ARID1B: variants seen among roughly 807,000 people sequenced by gnomAD.
The protein encoded by ARID1B is AT-rich interactive domain-containing protein 1B.
ARID1B carries 30 observed loss-of-function variants against 212.3 expected under a neutral mutation model. The ratio of observed to expected loss-of-function variants is 0.14; its 90% CI spans 0.11 to 0.19. The LOEUF (loss-of-function observed/expected upper bound fraction) is 0.19. Ranked by LOEUF, ARID1B falls within the 10% of genes least tolerant of loss-of-function variation. The probability of loss-of-function intolerance (pLI) is 1.00; values close to 1 mark genes in which losing one functional copy is unlikely to be tolerated. For missense variants in ARID1B, 2,891 were observed against 3,204.0 expected, an observed-to-expected ratio of 0.90 and a Z score of 2.36; for synonymous variants, 1,402 against 1,301.7, an observed-to-expected ratio of 1.08 and a Z score of -1.66.
At chr6:156,926,567 A>C (rs559998037) in intron 3 of ARID1B, among the ~76,000 whole-genome samples, 1 of 152,200 alleles carries the variant, frequency 6.6e-6, no homozygotes, top group Non-Finnish European at 1.5e-5. Flanking sequence ...TGTAAACAGA[A>C]GTAGATAATG....
At chr6:156,952,912 C>A (rs1793691987) in intron 4 of ARID1B, among the ~76,000 whole-genome samples, 1 of 152,124 alleles carries the variant, frequency 6.6e-6, no homozygotes, top group Non-Finnish European at 1.5e-5. Context: ...GCAATTCTTC[C>A]TTGTAGGGAA....
chr6:156,815,929 C>G (rs1239617237), intron 1 of ARID1B, among the ~76,000 whole-genome samples: 1 of 152,114 alleles, frequency 6.6e-6, no homozygotes. Flanking sequence ...AAAAACATTG[C>G]CCAGGCAGGT....
chr6:157,186,564 G>C (rs113232635), intron 13 of ARID1B: 16,741 of 470,132 alleles, frequency 0.036, 397 homozygotes, highest in African/African-American at 0.084. Context: ...CCCATCATTA[G>C]GGAAAGTGTC....
chr6:157,110,728 G>A, intron 6 of ARID1B, 167 bp downstream of exon 6: 1 of 697,174 alleles, frequency 1.4e-6, no homozygotes, highest in East Asian at 2.7e-5. Context: ...TGGAGAGGAG[G>A]GAGGATGCTT....
intron 1 of ARID1B, among the ~76,000 whole-genome samples, chr6:156,788,769 C>G (rs575595509): frequency 7.2e-5 from 11 of 152,250 alleles, no homozygotes; most frequent in Admixed American, 5.2e-4. Flanking sequence ...TCTAAGAGTA[C>G]CGGGGTCCTC....
chr6:156,936,271 G>A (rs1350052099), intron 4 of ARID1B: 4 of 150,616 alleles, frequency 2.7e-5, no homozygotes, highest in African/African-American at 1.0e-4. Flanking sequence ...GAACCCAGGA[G>A]GCAGAGGTTG....
intron 2 of ARID1B, among the ~76,000 whole-genome samples, chr6:156,896,865 G>A (rs969943229): frequency 3.3e-5 from 5 of 152,134 alleles, no homozygotes; most frequent in African/African-American, 9.7e-5. Context: ...ACGACAGAGC[G>A]AGACTCCACC....
intron 4 of ARID1B, among the ~76,000 whole-genome samples, chr6:157,029,266 TACTTATATAGTTATATTAGGTAG>T (rs1167220066): frequency 6.6e-6 from 1 of 152,270 alleles, no homozygotes; most frequent in Non-Finnish European, 1.5e-5. Context: ...ATATGACTTC[TACTTATATAGTTATATTAGGTAG>T]AGCATATTTT....
chr6:157,004,088 A>G (rs1481658415), intron 4 of ARID1B, among the ~76,000 whole-genome samples: 1 of 152,086 alleles, frequency 6.6e-6, no homozygotes, highest in Non-Finnish European at 1.5e-5. Flanking sequence ...TTTTTTTTGT[A>G]GAGATGAGGT....
Position 157,007,719 on chromosome 6 carries a change from C to T in ARID1B, c.2247+72143C>T, listed in dbSNP as rs550701771. 3.2e-3 allele frequency among the ~76,000 whole-genome samples: 467 copies of T among 147,292 alleles called. 2 individuals carry two copies. The highest frequency in any genetic ancestry group is 0.011 in the African/African-American group (443 of 39,950). The stretch of plus-strand genomic sequence containing the variant: ...TTTTGCAGCAATAGTTAAGGAAGCC[C>T]TAAGTTGTTTTTTTTTTTTTTTTTC... On this transcript the variant is annotated intron_variant, in intron 4 of 19. Transcript: ENST00000636930.
At chr6:156,943,574 C>G (rs1384915373) in intron 4 of ARID1B, 1 of 151,340 alleles carries the variant, frequency 6.6e-6, no homozygotes, top group African/African-American at 2.4e-5. Context: ...CATCTTTCTA[C>G]TTGGTTCGTG....
At chr6:156,970,608 G>T (rs1165665346) in intron 4 of ARID1B, among the ~76,000 whole-genome samples, 2 of 152,166 alleles carry the variant, frequency 1.3e-5, no homozygotes, top group African/African-American at 4.8e-5. Flanking sequence ...AAATTTTTAT[G>T]ATTAGTAAAC....
chr6:156,989,188 G>A (rs1364788366), intron 4 of ARID1B, among the ~76,000 whole-genome samples: 4 of 152,052 alleles, frequency 2.6e-5, no homozygotes, highest in Non-Finnish European at 4.4e-5. Flanking sequence ...TCACTCCCTG[G>A]TTGCTTTGCG....
chr6:157,003,836 G>A (rs985706635), intron 4 of ARID1B, among the ~76,000 whole-genome samples: 2 of 151,906 alleles, frequency 1.3e-5, no homozygotes. Flanking sequence ...CTATAGGTGC[G>A]CATGACTGTT....
Position 157,167,178 on chromosome 6 carries a change from C to T in ARID1B, c.3228C>T (p.Ser1076=), listed in dbSNP as rs2128291173. The change falls in exon 9 of 20, where the codon AGC becomes AGT. Residue 1076 remains serine (S), a synonymous_variant. Coordinates refer to ENST00000636930, the MANE Select transcript of ARID1B (RefSeq NM_001374828.1). ...GCATGGCGCCCGCCATGGTGAACAG[C>T]TCGGCAGGTAACCTTGGCAGCTCTG... ...PYSMAPAMVN[S]SAASVGLADM... is the part of the protein sequence containing the mutation. 6.2e-7 allele frequency: 1 copy of T among 1,606,702 alleles called. No homozygotes were observed.
Position 156,777,959 on chromosome 6 carries a change from C to G in ARID1B, c.279C>G (p.Ala93=), listed in dbSNP as rs1265929834. The change falls in exon 1 of 20, where the codon GCC becomes GCG. Residue 93 remains alanine, a synonymous_variant. Transcript: ENST00000636930. ...NMAHNAGAAA[A]AGTHSAKSGG... ...CCCATAACGCGGGCGCCGCGGCCGCCGCCGGCACCCACAGCGCCAAGAGCG... is the reference window on the plus strand; with the variant it reads ...CCCATAACGCGGGCGCCGCGGCCGCGGCCGGCACCCACAGCGCCAAGAGCG... 1.8e-5 allele frequency: 27 copies of G among 1,529,756 alleles called. No homozygotes were observed. The highest frequency in any genetic ancestry group is 1.8e-5 in the Non-Finnish European group (21 of 1,144,714). The allele number at this position is 1,529,756 out of a possible 1,614,324, so 94.8% of individuals were successfully genotyped here.
intron 4 of ARID1B, among the ~76,000 whole-genome samples, chr6:156,954,274 C>T (rs1291954268): frequency 6.6e-6 from 1 of 151,876 alleles, no homozygotes; most frequent in Non-Finnish European, 1.5e-5. Context: ...TCTAGTTAGC[C>T]CCTTTCCTGA....
Position 156,778,891 on chromosome 6 carries a change from G to T in ARID1B, c.1211G>T (p.Gly404Val), listed in dbSNP as rs1778924559. 8.3e-7 allele frequency: 1 copy of T among 1,210,058 alleles called. No homozygotes were observed. 75.0% of individuals were successfully genotyped at this position (1,210,058 alleles called of 1,614,324 possible). A position where few individuals can be genotyped will look rare whatever the true frequency, so the allele number is the denominator to read the frequency against. ...GGCGGCGGAGGAGGAGGAGGCAGCG[G>T]AGGAGGAGGAGGAGGAGGAGGAGCA... ...GGGGGGGGGS[G>V]GGGGGGGAGA... Residue 404 changes from glycine to valine, a missense_variant, in exon 1 of 20, where the codon GGA (glycine) becomes GTA (valine). Gly to Val is a moderately radical substitution (Grantham distance 109). Coordinates refer to ENST00000636930, the MANE Select transcript of ARID1B (RefSeq NM_001374828.1).
rs567719662 is a variant in ARID1B at position 156,893,045 on chromosome 6, C to CTTTTTTTTTTTTTTTTTTT, written c.1987-8316_1987-8315insTTTTTTTTTTTTTTTTTTT. Among the ~76,000 whole-genome samples, 52 of 85,918 alleles carry CTTTTTTTTTTTTTTTTTTT rather than the reference C, an allele frequency of 6.1e-4. 5 individuals are homozygous for CTTTTTTTTTTTTTTTTTTT. Among genetic ancestry groups the CTTTTTTTTTTTTTTTTTTT allele is most frequent in the African/African-American group, 2.2e-3 (46 of 21,320 alleles). 56.4% of individuals were successfully genotyped at this position (85,918 alleles called of 152,430 possible). A position where few individuals can be genotyped will look rare whatever the true frequency, so the allele number is the denominator to read the frequency against. On this transcript the variant is annotated intron_variant, in intron 2 of 19. Coordinates refer to ENST00000636930, the MANE Select transcript of ARID1B (RefSeq NM_001374828.1). ...AACTCTTTTTTTTTCTTTTTTCTTC[C>CTTTTTTTTTTTTTTTTTTT]TTTTTTTTTTTTTTTGAGATGGAGT...
Sources: allele counts gnomAD v4.1 joint callset (sites outside exome capture counted in the v4.1 genomes callset), GRCh38; gene constraint gnomAD v4.1.1; transcripts MANE v1.5; gene names NCBI Gene and HGNC (gene_info 2026-07-23, HGNC 2026-07-21).